The following INSC variants were observed in gnomAD, a reference collection of about 807,000 sequenced individuals.
The protein encoded by INSC is protein inscuteable homolog.
In INSC, 67 loss-of-function variants were observed where a neutral mutation model predicts 58.6. The observed-to-expected ratio is 1.14, with a 90% CI of 0.94 to 1.40. The LOEUF (loss-of-function observed/expected upper bound fraction) is 1.40. Among genes scored for constraint, INSC ranks in the 40% most tolerant of loss-of-function variants. INSC has a pLI of 0.00. For synonymous variants in INSC, 262 were observed against 276.1 expected, an observed-to-expected ratio of 0.95 and a Z score of 0.51; for missense variants, 714 against 692.0, an observed-to-expected ratio of 1.03 and a Z score of -0.36.
chr11:15,210,244 G>A (rs1370184996), intron 7 of INSC, among the ~76,000 whole-genome samples: 1 of 152,198 alleles, frequency 6.6e-6, no homozygotes, highest in African/African-American at 2.4e-5. Flanking sequence ...TAATCCCTAT[G>A]AGCCTCAATT....
At chr11:15,170,569 C>T (rs1387257563) in intron 2 of INSC, among the ~76,000 whole-genome samples, 1 of 152,174 alleles carries the variant, frequency 6.6e-6, no homozygotes, top group Non-Finnish European at 1.5e-5. Context: ...ATGCTAGCAA[C>T]ATGCCTTATC....
intron 9 of INSC, among the ~76,000 whole-genome samples, chr11:15,226,384 A>G (rs534812297): frequency 6.6e-6 from 1 of 152,344 alleles, no homozygotes. Context: ...TTTGAGCTCC[A>G]TGAAAGGTTT....
intron 6 of INSC, among the ~76,000 whole-genome samples, chr11:15,198,888 A>G (rs1850471736): frequency 6.6e-6 from 1 of 152,142 alleles, no homozygotes; most frequent in Non-Finnish European, 1.5e-5. Context: ...GTTGTGGAAC[A>G]AGGAATCAGA....
chr11:15,112,462 C>G (rs750493511), upstream of INSC: 98 of 1,599,874 alleles, frequency 6.1e-5, no homozygotes, highest in Non-Finnish European at 7.8e-5. Flanking sequence ...GCAGCCAAGG[C>G]TGGAGCCATG....
the INSC span, among the ~76,000 whole-genome samples, chr11:15,255,736 A>ATGTGTGTGTGTGTGTGTG: frequency 1.4e-5 from 2 of 147,910 alleles, no homozygotes; most frequent in Non-Finnish European, 1.5e-5. Flanking sequence ...AAGTGTGTGT[A>ATGTGTGTGTGTGTGTGTG]TGTGTGTGTG....
At chr11:15,122,686 T>G (rs1847901599) in intron 1 of INSC, among the ~76,000 whole-genome samples, 1 of 152,136 alleles carries the variant, frequency 6.6e-6, no homozygotes, top group African/African-American at 2.4e-5. Context: ...GATATTAGCT[T>G]GTAAATATCT....
chr11:15,262,397 A>T, the INSC span, among the ~76,000 whole-genome samples: 12 of 152,120 alleles, frequency 7.9e-5, no homozygotes, highest in African/African-American at 2.7e-4. Flanking sequence ...CTTGCATAAT[A>T]CTTTTGGATG....
In INSC at chr11:15,141,225, G is replaced by A. The variant is rs542463747; in HGVS notation, c.-45-7905G>A. Among the ~76,000 whole-genome samples the A allele has an allele frequency of 3.3e-5, 5 of 152,300 alleles. No homozygotes were observed. In the South Asian group the frequency reaches 8.3e-4, roughly 25 times the overall value. On this transcript the variant is annotated intron_variant, in intron 1 of 12. Coordinates refer to ENST00000379556, the MANE Select transcript of INSC (RefSeq NM_001042536.3). ...GGAGCTGTAGTCTTAGCCCTGTCAA[G>A]TTGATGGACATATTTGTGTAGATGA...
the INSC span, among the ~76,000 whole-genome samples, chr11:15,259,806 A>G: frequency 6.6e-6 from 1 of 152,310 alleles, no homozygotes; most frequent in African/African-American, 2.4e-5. Flanking sequence ...TTCAAAGCCT[A>G]TGTTTGCTTT....
chr11:15,130,802 C>T (rs1383319984), intron 1 of INSC, among the ~76,000 whole-genome samples: 1 of 151,968 alleles, frequency 6.6e-6, no homozygotes, highest in Non-Finnish European at 1.5e-5. Flanking sequence ...AGGAATTTAT[C>T]TAACTTATTT....
chr11:15,169,479 A>T (rs1057485668), intron 2 of INSC, among the ~76,000 whole-genome samples: 3 of 152,144 alleles, frequency 2.0e-5, no homozygotes, highest in Admixed American at 2.0e-4. Flanking sequence ...GAGGCTCATG[A>T]TATAAAACCA....
At chr11:15,208,418 C>G (rs1438181462) in intron 7 of INSC, among the ~76,000 whole-genome samples, 1 of 152,228 alleles carries the variant, frequency 6.6e-6, no homozygotes, top group Non-Finnish European at 1.5e-5. Flanking sequence ...TCTTCCCAGC[C>G]TTGCAAGGGG....
At chr11:15,186,676 A>G (rs892323136) in intron 5 of INSC, among the ~76,000 whole-genome samples, 16 of 152,222 alleles carry the variant, frequency 1.1e-4, no homozygotes, top group African/African-American at 3.4e-4. Flanking sequence ...TCTCTTCAGT[A>G]CATCCAATCT....
At chr11:15,124,338 C>A (rs1198798854) in intron 1 of INSC, among the ~76,000 whole-genome samples, 2 of 152,156 alleles carry the variant, frequency 1.3e-5, no homozygotes, top group Non-Finnish European at 2.9e-5. Flanking sequence ...GAAGTGGCCA[C>A]ACTGATTACT....
intron 7 of INSC, among the ~76,000 whole-genome samples, chr11:15,204,401 C>T (rs1180704913): frequency 1.3e-5 from 2 of 152,244 alleles, no homozygotes; most frequent in Admixed American, 1.3e-4. Flanking sequence ...AGTTTCCATG[C>T]TCCTTTCCTC....
chr11:15,222,243 A>G (rs967631804), intron 8 of INSC, among the ~76,000 whole-genome samples: 1 of 152,194 alleles, frequency 6.6e-6, no homozygotes, highest in Non-Finnish European at 1.5e-5. Flanking sequence ...TTCCTTTGCT[A>G]AATTATAGAA....
At chr11:15,197,585 G>A (rs1359760828) in intron 6 of INSC, among the ~76,000 whole-genome samples, 1 of 152,098 alleles carries the variant, frequency 6.6e-6, no homozygotes, top group Non-Finnish European at 1.5e-5. Flanking sequence ...GTTTGTTTGG[G>A]TCCTTCATCT....
chr11:15,176,964 G>T, intron 3 of INSC, 147 bp from the exon 4 acceptor site: 1 of 688,220 alleles, frequency 1.5e-6, no homozygotes, highest in Non-Finnish European at 2.6e-6. Context: ...TTCACCACCT[G>T]TATCACACTG....
At chr11:15,235,782 C>T (rs547541661) in intron 10 of INSC, 114 bp downstream of exon 10, 104 of 921,980 alleles carry the variant, frequency 1.1e-4, no homozygotes, top group African/African-American at 2.4e-4. Context: ...TGTGGCCGGG[C>T]GCAGGAATCA....
Sources: gnomAD v4.1 joint callset for allele counts (sites outside exome capture counted in the v4.1 genomes callset) on GRCh38, gnomAD v4.1.1 for gene constraint, MANE v1.5 for transcripts, NCBI Gene and HGNC (gene_info 2026-07-23, HGNC 2026-07-21) for gene names.